The following RERE variants were observed in gnomAD, a reference collection of about 807,000 sequenced individuals.
The protein encoded by RERE is arginine-glutamic acid dipeptide repeats protein.
Under a neutral mutation model 146.1 loss-of-function variants are expected in RERE, and 40 were observed. The observed-to-expected ratio is 0.27, with a 90% CI of 0.21 to 0.36. RERE has a LOEUF of 0.36. Among genes scored for constraint, RERE ranks in the 10% least tolerant of loss-of-function variants. The probability of loss-of-function intolerance (pLI) is 1.00; values close to 1 mark genes in which losing one functional copy is unlikely to be tolerated. For missense variants in RERE, 1,933 were observed against 2,138.7 expected (o/e 0.90, Z 1.90); for synonymous variants, 1,003 against 866.0 (o/e 1.16, Z -2.78).
chr1:8,609,219 CAAA>C (rs776942261), intron 4 of RERE, among the ~76,000 whole-genome samples: 5 of 113,760 alleles, frequency 4.4e-5, no homozygotes, highest in African/African-American at 3.3e-5. Flanking sequence ...CCCTGTCTCC[CAAA>C]AAAAAAAAAA....
chr1:8,637,718 A>G (rs1570547275), intron 2 of RERE, among the ~76,000 whole-genome samples: 2 of 152,346 alleles, frequency 1.3e-5, no homozygotes, highest in Admixed American at 1.3e-4. Flanking sequence ...CTCCTGTTCT[A>G]TTGACACAAC....
intron 1 of RERE, among the ~76,000 whole-genome samples, chr1:8,666,016 C>G (rs2124359455): frequency 6.6e-6 from 1 of 152,234 alleles, no homozygotes; most frequent in Middle Eastern, 3.4e-3. Context: ...ATGTGTGAGA[C>G]CTAGGATATG....
Position 8,358,482 on chromosome 1 carries a change from G to A in RERE, c.4053C>T (p.Ser1351=), listed in dbSNP as rs550906519. ...ANPMEHFARH[S]ALTIPPTAGP... ...CGGCGGTCGGGGGGATGGTGAGGGCGCTGTGCCGGGCAAAGTGCTCCATGG... is the reference window on the plus strand; with the variant it reads ...CGGCGGTCGGGGGGATGGTGAGGGCACTGTGCCGGGCAAAGTGCTCCATGG... The change falls in exon 20 of 23, where the codon AGC becomes AGT. Residue 1351 remains serine (S), a synonymous_variant. Coordinates refer to ENST00000400908, the MANE Select transcript of RERE (RefSeq NM_001042681.2). 15 of 1,585,418 alleles carry A rather than the reference G, an allele frequency of 9.5e-6. No individual in the cohort carries two copies. The highest frequency in any genetic ancestry group is 1.7e-4 in the Middle Eastern group (1 of 5,896).
chr1:8,412,944 A>G (rs1308986692), intron 12 of RERE, among the ~76,000 whole-genome samples: 2 of 152,210 alleles, frequency 1.3e-5, no homozygotes, highest in African/African-American at 2.4e-5. Flanking sequence ...TAAGCTTCCT[A>G]TGACTGTTGA....
In RERE at chr1:8,362,839, C is replaced by G; in HGVS notation, c.1746G>C (p.Ser582=). The G allele has an allele frequency of 6.2e-7, 1 of 1,610,518 alleles. No individual in the cohort carries two copies. The highest frequency in any genetic ancestry group is 8.5e-7 in the Non-Finnish European group (1 of 1,178,042). The change falls in exon 16 of 23, where the codon TCG becomes TCC. Residue 582 remains serine (S), a synonymous_variant. Coordinates refer to ENST00000400908, the MANE Select transcript of RERE (RefSeq NM_001042681.2). The part of the protein sequence containing the change: ...MRTRRSRGSM[S]TLRSGRKKQP... Reference sequence around the variant, plus strand: ...GCTTCTTCCGACCACTGCGTAGTGTCGACATCTGCCCACCCAAACCGAAGA... The same window carrying G: ...GCTTCTTCCGACCACTGCGTAGTGTGGACATCTGCCCACCCAAACCGAAGA...
At chr1:8,446,996 T>A (rs1644330876) in intron 11 of RERE, among the ~76,000 whole-genome samples, 1 of 151,928 alleles carries the variant, frequency 6.6e-6, no homozygotes, top group African/African-American at 2.4e-5. Flanking sequence ...TTCTTTTCGT[T>A]CTTTTTTCTC....
chr1:8,596,284 G>A (rs1400391153), intron 4 of RERE, among the ~76,000 whole-genome samples: 3 of 152,164 alleles, frequency 2.0e-5, no homozygotes, highest in Non-Finnish European at 4.4e-5. Flanking sequence ...TCTAGAAACT[G>A]GTAGGAGCAA....
chr1:8,664,689 C>T (rs916149057), intron 1 of RERE, among the ~76,000 whole-genome samples: 15 of 152,130 alleles, frequency 9.9e-5, no homozygotes, highest in African/African-American at 3.6e-4. Context: ...TTAATCCCTA[C>T]ATCCCATCAT....
At position 8,373,994 on chromosome 1, in the gene RERE, C is replaced by A. The variant is rs532128342; in HGVS notation, c.1285-8020G>T. On this transcript the variant is annotated intron_variant, in intron 12 of 22. Transcript: ENST00000400908. ...AAAGGAGCCTGGCACTGTCAGCGGG[C>A]TCTGCTGCTAATCGTTAAATATCAC... 2.6e-5 allele frequency among the ~76,000 whole-genome samples: 4 copies of A among 152,346 alleles called. 1 individual carries two copies. The South Asian group carries it at 8.3e-4, about 32-fold the overall frequency.
chr1:8,427,314 C>T lies in RERE; in HGVS notation c.1204-4507G>A, dbSNP rs186889780. Among the ~76,000 whole-genome samples the T allele has an allele frequency of 7.0e-3, 1,068 of 152,266 alleles. 55 individuals carry two copies. Among genetic ancestry groups the T allele is most frequent in the Admixed American group, 0.064 (985 of 15,294 alleles). On this transcript the variant is annotated intron_variant, in intron 11 of 22. Transcript: ENST00000400908. ...CCTAGTTTTGCTCATACCACTTGGCCTAATTCTCTACTCAACCTCTAAATG... is the reference window on the plus strand; with the variant it reads ...CCTAGTTTTGCTCATACCACTTGGCTTAATTCTCTACTCAACCTCTAAATG...
intron 1 of RERE, among the ~76,000 whole-genome samples, chr1:8,699,623 T>A (rs1466359830): frequency 6.6e-6 from 1 of 152,222 alleles, no homozygotes. Flanking sequence ...GGATGTAGGA[T>A]ACCTACTTCC....
intron 8 of RERE, among the ~76,000 whole-genome samples, chr1:8,499,722 C>T (rs2124253855): frequency 6.6e-6 from 1 of 152,374 alleles, no homozygotes; most frequent in East Asian, 1.9e-4. Flanking sequence ...TGACTTTCTC[C>T]AAGCAAGGAT....
chr1:8,354,768 CCTA>C lies in RERE; in HGVS notation c.*316_*318del, dbSNP rs1329140177. ...GAAGGGTGTGAACTGGATTCTAGCACCTACTGAGAAATCAAGGAAAAGAAAACT... is the reference window on the plus strand; with the variant it reads ...GAAGGGTGTGAACTGGATTCTAGCACCTGAGAAATCAAGGAAAAGAAAACT... On this transcript the variant is annotated 3_prime_UTR_variant, in exon 23 of 23. Coordinates refer to ENST00000400908, the MANE Select transcript of RERE (RefSeq NM_001042681.2). The C allele has an allele frequency of 2.8e-6, 1 of 359,826 alleles. No individual in the cohort carries two copies. 22.3% of individuals were successfully genotyped at this position (359,826 alleles called of 1,614,324 possible).
chr1:8,385,343 C>T (rs1642599443), intron 12 of RERE, among the ~76,000 whole-genome samples: 1 of 152,144 alleles, frequency 6.6e-6, no homozygotes, highest in African/African-American at 2.4e-5. Context: ...CCCGTTTGTG[C>T]TTTGTGCAGC....
At chr1:8,657,858 G>A (rs1638359377) in intron 1 of RERE, among the ~76,000 whole-genome samples, 1 of 152,134 alleles carries the variant, frequency 6.6e-6, no homozygotes. Flanking sequence ...AAAAGAAAAT[G>A]TATTGTCTCT....
At position 8,491,447 on chromosome 1, in the gene RERE, A is replaced by AAAAAC. The variant is rs757450420; in HGVS notation, c.1104+3611_1104+3615dup. ...AAAACTCCATCTCAAAACAAAAACA[A>AAAAAC]AAAACAAAACAAAACAAGAAAAACA... On this transcript the variant is annotated intron_variant, in intron 10 of 22. Coordinates refer to ENST00000400908, the MANE Select transcript of RERE (RefSeq NM_001042681.2). 6.0e-4 allele frequency among the ~76,000 whole-genome samples: 92 copies of AAAAAC among 152,168 alleles called. 1 individual carries two copies. In the Middle Eastern group the frequency reaches 0.01, roughly 17 times the overall value.
chr1:8,354,636 TA>T lies in RERE; in HGVS notation c.*450del, dbSNP rs1204526915. ...TATTAAAATAAAAGATTTTTTTTTT[TA>T]AAAATTATAGCTCTTGGATTCCAAA... is the stretch of plus-strand genomic sequence containing the variant. On this transcript the variant is annotated 3_prime_UTR_variant, in exon 23 of 23. Coordinates refer to ENST00000400908, the MANE Select transcript of RERE (RefSeq NM_001042681.2). The T allele has an allele frequency of 5.8e-4, 85 of 147,506 alleles. No individual in the cohort carries two copies. Among genetic ancestry groups the T allele is most frequent in the African/African-American group, 1.3e-3 (49 of 37,340 alleles). 9.1% of individuals were successfully genotyped at this position (147,506 alleles called of 1,614,324 possible).
chr1:8,530,679 CTTTTTT>C (rs1197212764), intron 7 of RERE, among the ~76,000 whole-genome samples: 10 of 96,936 alleles, frequency 1.0e-4, no homozygotes, highest in South Asian at 3.6e-4. Context: ...TTTTCGTTTT[CTTTTTT>C]TTTTTTTTTT....
At chr1:8,386,048 T>G (rs1217603291) in intron 12 of RERE, among the ~76,000 whole-genome samples, 2 of 86,296 alleles carry the variant, frequency 2.3e-5, no homozygotes, top group Admixed American at 2.1e-4. Context: ...TTTTTTTTTT[T>G]CTTGGTTCAC....
Sources: allele counts gnomAD v4.1 joint callset (sites outside exome capture counted in the v4.1 genomes callset), GRCh38; gene constraint gnomAD v4.1.1; transcripts MANE v1.5; gene names NCBI Gene and HGNC (gene_info 2026-07-23, HGNC 2026-07-21).